Variants in NELL1 observed in about 807,000 individuals in gnomAD.
The protein encoded by NELL1 is neural EGFL like 1.
NELL1 carries 76 observed loss-of-function variants against 107.4 expected under a neutral mutation model. The ratio of observed to expected loss-of-function variants is 0.71; its 90% CI spans 0.59 to 0.86. The LOEUF (loss-of-function observed/expected upper bound fraction) is 0.86. Among genes scored for constraint, NELL1 ranks in the 40% least tolerant of loss-of-function variants. NELL1 has a pLI of 0.00. For synonymous variants in NELL1, 353 were observed against 341.2 expected, an observed-to-expected ratio of 1.03 and a Z score of -0.38; for missense variants, 1,024 against 1,005.5, an observed-to-expected ratio of 1.02 and a Z score of -0.25.
rs968936397 is a variant in NELL1, at chr11:21,346,288, G to A, written c.1550-24565G>A. On this transcript the variant is annotated intron_variant, in intron 14 of 19. Transcript: ENST00000357134. ...CACTGCTGGGTCCAGAATTATATTA[G>A]CTAGTGAATTCCATTGAATCAAGAG... 2.6e-5 allele frequency among the ~76,000 whole-genome samples: 4 copies of A among 151,982 alleles called. No individual in the cohort carries two copies. In the South Asian group the frequency reaches 6.2e-4, roughly 24 times the overall value.
chr11:21,139,311 A>G (rs1028582805), intron 13 of NELL1, among the ~76,000 whole-genome samples: 1 of 152,208 alleles, frequency 6.6e-6, no homozygotes, highest in African/African-American at 2.4e-5. Flanking sequence ...ATCCTAACTC[A>G]GGGACACTTG....
intron 4 of NELL1, among the ~76,000 whole-genome samples, chr11:20,878,010 A>T (rs1474135014): frequency 6.6e-6 from 1 of 152,198 alleles, no homozygotes; most frequent in South Asian, 2.1e-4. Flanking sequence ...AATGTGATAC[A>T]TTTAGACTGA....
chr11:21,491,773 A>G (rs190216947), intron 15 of NELL1, among the ~76,000 whole-genome samples: 3,781 of 152,072 alleles, frequency 0.025, 163 homozygotes, highest in African/African-American at 0.084. Flanking sequence ...CACTGAATCT[A>G]TAAATTACCT....
At chr11:21,135,489 C>G (rs544059574) in intron 13 of NELL1, among the ~76,000 whole-genome samples, 197 of 152,214 alleles carry the variant, frequency 1.3e-3, no homozygotes, top group African/African-American at 4.5e-3. Context: ...TGCACTTGAG[C>G]CCAACTTTGG....
At chr11:21,297,171 A>G (rs1408873198) in intron 14 of NELL1, among the ~76,000 whole-genome samples, 1 of 152,010 alleles carries the variant, frequency 6.6e-6, no homozygotes. Context: ...TAGCAAAGGA[A>G]GAAGCCAGGG....
At chr11:21,514,462 A>G (rs926156114) in intron 15 of NELL1, among the ~76,000 whole-genome samples, 3 of 152,250 alleles carry the variant, frequency 2.0e-5, no homozygotes, top group Non-Finnish European at 4.4e-5. Context: ...AAAGTGAGCC[A>G]GATATGGACT....
intron 3 of NELL1, among the ~76,000 whole-genome samples, chr11:20,813,285 G>T (rs1241328947): frequency 6.6e-6 from 1 of 152,190 alleles, no homozygotes. Flanking sequence ...TAATCCAGAA[G>T]ATTGGGTTTA....
At chr11:21,110,100 CT>C (rs563747004) in intron 12 of NELL1, among the ~76,000 whole-genome samples, 141 of 152,230 alleles carry the variant, frequency 9.3e-4, no homozygotes, top group Non-Finnish European at 1.6e-3. Context: ...GCTTTTATAT[CT>C]GGTGGTTACA....
intron 15 of NELL1, among the ~76,000 whole-genome samples, chr11:21,510,311 A>G (rs983231158): frequency 1.3e-5 from 2 of 152,210 alleles, no homozygotes; most frequent in Admixed American, 1.3e-4. Context: ...GGAGGGGAGC[A>G]CAGAATCCAA....
chr11:21,562,009 T>C (rs1856860986), intron 17 of NELL1, among the ~76,000 whole-genome samples: 1 of 152,044 alleles, frequency 6.6e-6, no homozygotes, highest in Non-Finnish European at 1.5e-5. Context: ...ACTATTGTGT[T>C]ATTAAACTTT....
intron 7 of NELL1, among the ~76,000 whole-genome samples, chr11:20,923,463 AC>A (rs1490763060): frequency 3.9e-5 from 6 of 151,924 alleles, no homozygotes; most frequent in Non-Finnish European, 5.9e-5. Context: ...CAAGTAATAA[AC>A]CTTTTTTGTC....
chr11:21,374,620 G>A (rs1056944255), intron 15 of NELL1, among the ~76,000 whole-genome samples: 7 of 152,010 alleles, frequency 4.6e-5, no homozygotes, highest in African/African-American at 1.7e-4. Context: ...AAAAACGATT[G>A]TCAAAGTATT....
chr11:21,161,000 TACACACACACACACACAC>T (rs72029062), intron 13 of NELL1, among the ~76,000 whole-genome samples: 11 of 143,242 alleles, frequency 7.7e-5, no homozygotes, highest in Admixed American at 1.4e-4. Flanking sequence ...CTAGCCTTTA[TACACACACACACACACAC>T]ACACACACAC....
intron 12 of NELL1, among the ~76,000 whole-genome samples, chr11:21,093,721 G>C (rs1041106122): frequency 3.3e-5 from 5 of 152,218 alleles, no homozygotes; most frequent in Non-Finnish European, 2.9e-5. Context: ...CAAAAAGAGA[G>C]AGCTTGTGCA....
chr11:20,971,941 C>A (rs911261499), intron 12 of NELL1, among the ~76,000 whole-genome samples: 5 of 151,496 alleles, frequency 3.3e-5, no homozygotes, highest in African/African-American at 1.2e-4. Flanking sequence ...AACCAAACAC[C>A]GCATGTTCTC....
chr11:21,503,368 C>T (rs1437988135), intron 15 of NELL1, among the ~76,000 whole-genome samples: 1 of 152,190 alleles, frequency 6.6e-6, no homozygotes, highest in Non-Finnish European at 1.5e-5. Flanking sequence ...AATCATGTGA[C>T]TAGACCAATG....
intron 14 of NELL1, among the ~76,000 whole-genome samples, chr11:21,243,357 A>G (rs528710665): frequency 6.6e-6 from 1 of 152,186 alleles, no homozygotes; most frequent in Admixed American, 6.6e-5. Flanking sequence ...TTGCACATGT[A>G]ACTAGATGAG....
intron 13 of NELL1, among the ~76,000 whole-genome samples, chr11:21,217,769 C>T (rs1857652557): frequency 6.6e-6 from 1 of 152,150 alleles, no homozygotes; most frequent in African/African-American, 2.4e-5. Context: ...AATAAAGCCA[C>T]AAGCCAGCAG....
intron 3 of NELL1, among the ~76,000 whole-genome samples, chr11:20,792,157 T>C (rs935599671): frequency 6.6e-6 from 1 of 152,114 alleles, no homozygotes; most frequent in African/African-American, 2.4e-5. Flanking sequence ...ATAGCTTTTT[T>C]AAGCTAACAT....
Sources: gnomAD v4.1 joint callset for allele counts (sites outside exome capture counted in the v4.1 genomes callset) on GRCh38, gnomAD v4.1.1 for gene constraint, MANE v1.5 for transcripts, NCBI Gene and HGNC (gene_info 2026-07-23, HGNC 2026-07-21) for gene names.